The following AOPEP variants were observed in gnomAD, a reference collection of about 807,000 sequenced individuals.
AOPEP encodes the protein aminopeptidase O.
In AOPEP, 77 loss-of-function variants were observed where a neutral mutation model predicts 98.1. The observed-to-expected ratio is 0.78, with a 90% CI of 0.65 to 0.95. The LOEUF is 0.95. Among genes scored for constraint, AOPEP ranks in the 40% least tolerant of loss-of-function variants. The pLI is 0.00. For missense variants in AOPEP, 1,024 were observed against 1,024.7 expected, an observed-to-expected ratio of 1.00 and a Z score of 0.01; for synonymous variants, 346 against 365.3, an observed-to-expected ratio of 0.95 and a Z score of 0.60.
chr9:95,110,685 G>C, the AOPEP span: 1 of 1,054,058 alleles, frequency 9.5e-7, no homozygotes, highest in South Asian at 4.6e-5. Context: ...AAAGCCAAGA[G>C]AAGCAGGGCT....
the AOPEP span, among the ~76,000 whole-genome samples, chr9:95,125,984 G>A: frequency 8.5e-5 from 13 of 152,204 alleles, no homozygotes; most frequent in Admixed American, 2.0e-4. Context: ...CTTCATGGCT[G>A]TGAGCTCCTC....
chr9:94,760,010 T>A lies in AOPEP; in HGVS notation c.227T>A (p.Met76Lys). ...TCAAACAAAGCCTGCAAATTTGGGA[T>A]GCCTGAACCCTGCCATATTCCCGTG... ...SESNKACKFG[M>K]PEPCHIPVTN... The change falls in exon 2 of 17, where the codon ATG becomes AAG. Residue 76 changes from methionine to lysine, a missense_variant. By Grantham distance (95) the Met-to-Lys change is moderately conservative. Transcript: ENST00000375315. 1 of 1,614,212 alleles carries A rather than the reference T, an allele frequency of 6.2e-7. No homozygotes were observed.
intron 13 of AOPEP, among the ~76,000 whole-genome samples, chr9:95,009,502 C>T (rs1304553204): frequency 6.6e-6 from 1 of 152,114 alleles, no homozygotes; most frequent in African/African-American, 2.4e-5. Context: ...TTTTACAGTG[C>T]TCATTTCAGG....
At chr9:94,761,222 T>G (rs754133635) in intron 2 of AOPEP, among the ~76,000 whole-genome samples, 3 of 152,214 alleles carry the variant, frequency 2.0e-5, no homozygotes, top group Non-Finnish European at 4.4e-5. Flanking sequence ...GAAAGACCGC[T>G]GGGTTTTCGT....
chr9:94,982,664 G>T (rs1327785288), intron 11 of AOPEP, among the ~76,000 whole-genome samples: 1 of 150,942 alleles, frequency 6.6e-6, no homozygotes, highest in Non-Finnish European at 1.5e-5. Flanking sequence ...CACCTCCCGG[G>T]CTGCAGTGAA....
At chr9:94,790,944 A>C (rs1845575886) in intron 3 of AOPEP, among the ~76,000 whole-genome samples, 1 of 151,966 alleles carries the variant, frequency 6.6e-6, no homozygotes, top group African/African-American at 2.4e-5. Flanking sequence ...AAGAGAAGGA[A>C]TAATAGCTCC....
intron 13 of AOPEP, among the ~76,000 whole-genome samples, chr9:95,026,976 T>A (rs966629085): frequency 1.2e-4 from 19 of 152,244 alleles, no homozygotes; most frequent in Non-Finnish European, 7.3e-5. Flanking sequence ...TAATTAAAAC[T>A]GTAGGGTGGG....
chr9:94,926,174 C>T (rs2136918452), intron 6 of AOPEP, among the ~76,000 whole-genome samples: 1 of 152,330 alleles, frequency 6.6e-6, no homozygotes, highest in Non-Finnish European at 1.5e-5. Flanking sequence ...TCCTCCTTAC[C>T]CTTCCCTTTG....
intron 5 of AOPEP, among the ~76,000 whole-genome samples, chr9:94,921,925 A>C (rs1339883396): frequency 6.6e-6 from 1 of 152,178 alleles, no homozygotes; most frequent in Non-Finnish European, 1.5e-5. Flanking sequence ...CCGACTCAGA[A>C]GAAAGGATTG....
At chr9:95,090,567 G>A (rs1459986192), downstream of AOPEP, among the ~76,000 whole-genome samples, 1 of 152,168 alleles carries the variant, frequency 6.6e-6, no homozygotes, top group Admixed American at 6.5e-5. Context: ...GGAGGAAGCA[G>A]CAGTGACCAC....
chr9:94,844,764 A>G (rs1270755319), intron 5 of AOPEP, among the ~76,000 whole-genome samples: 1 of 152,204 alleles, frequency 6.6e-6, no homozygotes, highest in African/African-American at 2.4e-5. Flanking sequence ...GGAAGAACTC[A>G]TAGTCTCAGG....
intron 6 of AOPEP, among the ~76,000 whole-genome samples, chr9:94,926,708 T>C (rs1268001706): frequency 1.3e-5 from 2 of 148,620 alleles, no homozygotes; most frequent in East Asian, 2.0e-4. Flanking sequence ...GAGCAGGGCA[T>C]GAGGATACAG....
In AOPEP at chr9:94,990,120, G is replaced by A. The variant is rs12685645; in HGVS notation, c.1977+10693G>A. Among the ~76,000 whole-genome samples, 798 of 152,302 alleles carry A rather than the reference G, an allele frequency of 5.2e-3. 14 individuals are homozygous for A. The highest frequency in any genetic ancestry group is 0.043 in the East Asian group (222 of 5,172). ...GAAGAACTGTAGAGGTTGATGTCTT[G>A]TGTTTGCCATGTTCCGCTGGGAGGC... is the stretch of plus-strand genomic sequence containing the variant. On this transcript the variant is annotated intron_variant, in intron 11 of 16. Transcript: ENST00000375315.
the AOPEP span, among the ~76,000 whole-genome samples, chr9:95,126,108 G>C: frequency 6.6e-6 from 1 of 152,162 alleles, no homozygotes; most frequent in Non-Finnish European, 1.5e-5. Context: ...TTTCAGAAGA[G>C]TTCTGTTAAG....
At chr9:94,735,043 T>G (rs1014909767) in intron 1 of AOPEP, among the ~76,000 whole-genome samples, 12 of 152,240 alleles carry the variant, frequency 7.9e-5, no homozygotes, top group African/African-American at 2.9e-4. Context: ...TATTTATTCC[T>G]TGATTGTATT....
intron 13 of AOPEP, among the ~76,000 whole-genome samples, chr9:95,027,741 T>C (rs2063958017): frequency 6.6e-6 from 1 of 152,230 alleles, no homozygotes. Flanking sequence ...TTGCAAAAGT[T>C]GTGCAGGAAA....
chr9:94,871,177 T>C (rs983917694), intron 5 of AOPEP, among the ~76,000 whole-genome samples: 2 of 152,252 alleles, frequency 1.3e-5, no homozygotes, highest in Admixed American at 6.5e-5. Context: ...CTCACTCTTA[T>C]TATATCCTTT....
chr9:94,852,839 A>G (rs1588546859), intron 5 of AOPEP, among the ~76,000 whole-genome samples: 1 of 152,158 alleles, frequency 6.6e-6, no homozygotes, highest in Non-Finnish European at 1.5e-5. Flanking sequence ...CTTGGCTAGT[A>G]TTTGGTCAGC....
chr9:95,043,847 T>C (rs1048973729), intron 13 of AOPEP, among the ~76,000 whole-genome samples: 1 of 152,174 alleles, frequency 6.6e-6, no homozygotes, highest in Non-Finnish European at 1.5e-5. Flanking sequence ...GTATGTTTTG[T>C]AGAGACAGAG....
Sources: allele counts gnomAD v4.1 joint callset (sites outside exome capture counted in the v4.1 genomes callset), GRCh38; gene constraint gnomAD v4.1.1; transcripts MANE v1.5; gene names NCBI Gene and HGNC (gene_info 2026-07-23, HGNC 2026-07-21).